ADRA1A: variants seen among roughly 807,000 people sequenced by gnomAD.
The protein encoded by ADRA1A is alpha-1A adrenergic receptor.
A neutral mutation model predicts 29.6 loss-of-function variants in ADRA1A; 31 were observed. The ratio of observed to expected loss-of-function variants is 1.05; its 90% CI spans 0.79 to 1.41. The LOEUF is 1.41. Among genes scored for constraint, ADRA1A ranks in the 40% most tolerant of loss-of-function variants. The pLI is 0.00. For missense variants in ADRA1A, 619 were observed against 601.1 expected, an observed-to-expected ratio of 1.03 and a Z score of -0.31; for synonymous variants, 311 against 254.3, an observed-to-expected ratio of 1.22 and a Z score of -2.12.
At chr8:26,829,397 A>T (rs927932773) in intron 2 of ADRA1A, among the ~76,000 whole-genome samples, 1 of 152,204 alleles carries the variant, frequency 6.6e-6, no homozygotes, top group African/African-American at 2.4e-5. Context: ...GTGAGGAAAC[A>T]ATAAGCTATG....
At chr8:26,830,282 G>A (rs948612368) in intron 2 of ADRA1A, among the ~76,000 whole-genome samples, 11 of 152,194 alleles carry the variant, frequency 7.2e-5, no homozygotes, top group Non-Finnish European at 1.6e-4. Flanking sequence ...TGCCCTCAAA[G>A]CTTGAAGGCA....
downstream of ADRA1A, chr8:26,765,980 C>T (rs1469976255): frequency 9.4e-6 from 12 of 1,274,068 alleles, no homozygotes; most frequent in Admixed American, 1.9e-4. Flanking sequence ...AGCGATGTCA[C>T]ATAATACATA....
intron 2 of ADRA1A, among the ~76,000 whole-genome samples, chr8:26,857,595 C>T (rs1369648910): frequency 1.3e-5 from 2 of 152,090 alleles, no homozygotes; most frequent in African/African-American, 2.4e-5. Context: ...CACTTGAGTT[C>T]GAGGCCGCAG....
rs1438283214 is a variant in ADRA1A, at chr8:26,837,500, A to G, written c.883+26587T>C. 3.9e-5 allele frequency among the ~76,000 whole-genome samples: 6 copies of G among 152,140 alleles called. No homozygotes were observed. The South Asian group carries it at 1.0e-3, about 26-fold the overall frequency. ...ACCCCATCTCTATTAAAAACACAAA[A>G]ATTAGCCAGGTATGGTGGTGCATGC... On this transcript the variant is annotated intron_variant, in intron 2 of 2. Transcript: ENST00000380573.
At chr8:26,857,734 A>G (rs145333924) in intron 2 of ADRA1A, among the ~76,000 whole-genome samples, 14 of 152,302 alleles carry the variant, frequency 9.2e-5, no homozygotes, top group African/African-American at 3.1e-4. Context: ...TAAGAGGTGA[A>G]CCTTTTCCAT....
chr8:26,757,131 C>T lies in ADRA1A; in HGVS notation c.1270-352G>A, dbSNP rs896563185. On this transcript the variant is annotated intron_variant, in intron 2 of 2. Transcript: ENST00000380582. ...CTCAAAATCCAGAAGACTGAAATAG[C>T]CATAGACTGTGTTTATATAAAGCAG... is the stretch of plus-strand genomic sequence containing the variant. 9 of 702,446 alleles carry T rather than the reference C, an allele frequency of 1.3e-5. No homozygotes were observed. The Admixed American group carries it at 1.8e-4, about 14-fold the overall frequency. 43.5% of individuals were successfully genotyped at this position (702,446 alleles called of 1,614,324 possible).
At position 26,769,132 on chromosome 8, in the gene ADRA1A, G is replaced by A. The variant is rs778323021; in HGVS notation, c.*1017C>T. 6.1e-6 allele frequency: 6 copies of A among 985,384 alleles called. No homozygotes were observed. The highest frequency in any genetic ancestry group is 6.0e-6 in the Non-Finnish European group (5 of 829,922). 61.0% of individuals were successfully genotyped at this position (985,384 alleles called of 1,614,324 possible). A position where few individuals can be genotyped will look rare whatever the true frequency, so the allele number is the denominator to read the frequency against. ...ATAGTGAAGCAGATAAGAAGTAATGGGAGACAATCTTTTGCCTTTCAAAAT... is the reference window on the plus strand; with the variant it reads ...ATAGTGAAGCAGATAAGAAGTAATGAGAGACAATCTTTTGCCTTTCAAAAT... On this transcript the variant is annotated 3_prime_UTR_variant, in exon 3 of 3. Coordinates refer to ENST00000380573, the MANE Select transcript of ADRA1A (RefSeq NM_000680.4).
At chr8:26,767,971 A>C (rs1312772757), downstream of ADRA1A, among the ~76,000 whole-genome samples, 2 of 152,184 alleles carry the variant, frequency 1.3e-5, no homozygotes, top group Non-Finnish European at 2.9e-5. Flanking sequence ...CTCTTATGGG[A>C]CACAGAGAGA....
intron 2 of ADRA1A, among the ~76,000 whole-genome samples, chr8:26,840,439 T>C (rs1456835446): frequency 6.6e-6 from 1 of 152,184 alleles, no homozygotes; most frequent in Non-Finnish European, 1.5e-5. Context: ...AACAACATGA[T>C]GCAAACCAGC....
At chr8:26,827,607 T>C (rs1469688010) in intron 2 of ADRA1A, among the ~76,000 whole-genome samples, 1 of 151,788 alleles carries the variant, frequency 6.6e-6, no homozygotes, top group Non-Finnish European at 1.5e-5. Context: ...CTGGGGTTTT[T>C]CTTTCTTTTC....
At position 26,860,152 on chromosome 8, in the gene ADRA1A, C is replaced by T. The variant is rs1468807642; in HGVS notation, c.883+3935G>A. On this transcript the variant is annotated intron_variant, in intron 2 of 2. Transcript: ENST00000380573. This position sits in a 1 kb window ranked among gnomAD's most constrained non-coding sequence, Gnocchi z 4.7. ...CTCCACCACAACATCTTCTCCTCCACACTGCTGACTCCCTGGGAGAGCAAA... is the reference window on the plus strand; with the variant it reads ...CTCCACCACAACATCTTCTCCTCCATACTGCTGACTCCCTGGGAGAGCAAA... Among the ~76,000 whole-genome samples, 1 of 152,170 alleles carries T rather than the reference C, an allele frequency of 6.6e-6. No individual in the cohort carries two copies. The highest frequency in any genetic ancestry group is 6.5e-5 in the Admixed American group (1 of 15,280).
chr8:26,863,947 G>T, intron 2 of ADRA1A, 140 bp downstream of exon 2: 1 of 838,736 alleles, frequency 1.2e-6, no homozygotes, highest in Non-Finnish European at 1.8e-6. Flanking sequence ...CTACAAGGGA[G>T]CCTTTTCTAA....
chr8:26,770,490 G>A lies in ADRA1A; in HGVS notation c.1060C>T (p.His354Tyr). 6.2e-7 allele frequency: 1 copy of A among 1,614,204 alleles called. No homozygotes were observed. Among genetic ancestry groups the A allele is most frequent in the Non-Finnish European group, 8.5e-7 (1 of 1,180,040 alleles). ...GGGTGCAGGGTGTAGCCCAGGGCAT[G>A]TTTGGAAGACTGCTTTCTGCAGAGA... ...QCLCRKQSSK[H>Y]ALGYTLHPPS... The change falls in exon 3 of 3, where the codon CAT (histidine) becomes TAT (tyrosine). Residue 354 changes from histidine to tyrosine, a missense_variant. His to Tyr is a moderately conservative substitution (Grantham distance 83). Transcript: ENST00000380573.
rs1400987403 is a variant in ADRA1A, at chr8:26,842,282, T to C, written c.883+21805A>G. Among the ~76,000 whole-genome samples the C allele has an allele frequency of 3.3e-5, 5 of 152,366 alleles. No homozygotes were observed. The East Asian group carries it at 9.6e-4, about 29-fold the overall frequency. On this transcript the variant is annotated intron_variant, in intron 2 of 2. Transcript: ENST00000380573. ...CAATTTCAATTTAATTTATTACATG[T>C]GGCTAGAGGCTACCATATTGGACAG... is the stretch of plus-strand genomic sequence containing the variant.
chr8:26,851,181 C>T lies in ADRA1A; in HGVS notation c.883+12906G>A, dbSNP rs371088410. Among the ~76,000 whole-genome samples, 9 of 152,104 alleles carry T rather than the reference C, an allele frequency of 5.9e-5. No individual in the cohort carries two copies. The East Asian group carries it at 1.7e-3, about 29-fold the overall frequency. On this transcript the variant is annotated intron_variant, in intron 2 of 2. Coordinates refer to ENST00000380573, the MANE Select transcript of ADRA1A (RefSeq NM_000680.4). ...GTTTTAAAATGCACTATTTTATTAACTAAAAGATAGAGGTTTTAAAGAGAA... is the reference window on the plus strand; with the variant it reads ...GTTTTAAAATGCACTATTTTATTAATTAAAAGATAGAGGTTTTAAAGAGAA...
downstream of ADRA1A, among the ~76,000 whole-genome samples, chr8:26,755,278 C>T (rs575025601): frequency 3.3e-5 from 5 of 151,646 alleles, no homozygotes; most frequent in East Asian, 9.7e-4. Flanking sequence ...AACTGGGAAA[C>T]CAAGGCTTTG....
chr8:26,836,896 G>A (rs1031393683), intron 2 of ADRA1A, among the ~76,000 whole-genome samples: 2 of 152,168 alleles, frequency 1.3e-5, no homozygotes, highest in African/African-American at 2.4e-5. Flanking sequence ...TTCAGACTGT[G>A]TGCCAGTGAA....
rs1440485943 is a variant in ADRA1A, at chr8:26,864,986, G to A, written c.-17C>T. 2 of 1,577,804 alleles carry A rather than the reference G, an allele frequency of 1.3e-6. No individual in the cohort carries two copies. Among genetic ancestry groups the A allele is most frequent in the Non-Finnish European group, 1.7e-6 (2 of 1,165,870 alleles). On this transcript the variant is annotated 5_prime_UTR_variant, in exon 2 of 3. Coordinates refer to ENST00000380573, the MANE Select transcript of ADRA1A (RefSeq NM_000680.4). This position sits in a 1 kb window ranked among gnomAD's most constrained non-coding sequence, Gnocchi z 8.1. ...AAACACCATGGTCCCAGCCGGGGCC[G>A]GGCGAGGTCCGGCTGTCCAGGGCCA...
In ADRA1A at chr8:26,864,830, A is replaced by C; in HGVS notation, c.140T>G (p.Val47Gly). 1 of 1,614,146 alleles carries C rather than the reference A, an allele frequency of 6.2e-7. No individual in the cohort carries two copies. Among genetic ancestry groups the C allele is most frequent in the East Asian group, 2.2e-5 (1 of 44,852 alleles). ...ILFGVLGNILVILSVACHRHL... is the reference protein window; with the variant it reads ...ILFGVLGNILGILSVACHRHL... The stretch of plus-strand genomic sequence containing the variant: ...TCGGTGACAGGCTACGGAGAGGATC[A>C]CTAGGATGTTACCCAGCACCCCGAA... The change falls in exon 2 of 3, where the codon GTG (valine) becomes GGG (glycine). Residue 47 changes from valine (V) to glycine (G), a missense_variant. Physicochemically the swap from Val to Gly is moderately radical, Grantham distance 109 (BLOSUM62 -3). Transcript: ENST00000380573. This position sits in a 1 kb window ranked among gnomAD's most constrained non-coding sequence, Gnocchi z 8.1.
Sources: allele counts gnomAD v4.1 joint callset (sites outside exome capture counted in the v4.1 genomes callset), GRCh38; gene constraint gnomAD v4.1.1; non-coding constraint Gnocchi (gnomAD v3.1); transcripts MANE v1.5; gene names NCBI Gene and HGNC (gene_info 2026-07-23, HGNC 2026-07-21).